Variants in AGBL1 observed in about 807,000 individuals in gnomAD.
AGBL1 encodes AGBL carboxypeptidase 1, also known as cytosolic carboxypeptidase 4.
In AGBL1, 130 loss-of-function variants were observed where a neutral mutation model predicts 118.9. The observed-to-expected ratio is 1.09, with a 90% CI of 0.95 to 1.26. The LOEUF (loss-of-function observed/expected upper bound fraction) is 1.26, where lower values mean the gene tolerates loss of function less well. Ranked by LOEUF, AGBL1 falls within the 50% of genes most tolerant of loss-of-function variation. AGBL1 has a pLI of 0.00. For synonymous variants in AGBL1, 555 were observed against 478.9 expected (o/e 1.16, Z -2.08); for missense variants, 1,584 against 1,298.1 (o/e 1.22, Z -3.38).
chr15:86,226,462 A>G (rs1300973607), intron 6 of AGBL1, among the ~76,000 whole-genome samples: 1 of 152,176 alleles, frequency 6.6e-6, no homozygotes, highest in Non-Finnish European at 1.5e-5. Context: ...AGAGCTGAGT[A>G]AGGCTGGCTT....
At chr15:86,188,967 G>A (rs16949176) in intron 5 of AGBL1, among the ~76,000 whole-genome samples, 1,667 of 152,288 alleles carry the variant, frequency 0.011, 9 homozygotes, top group African/African-American at 0.013. Context: ...CCTAGAAAAG[G>A]ATGAATTAAC....
chr15:86,507,561 G>T (rs1371230296), intron 18 of AGBL1, among the ~76,000 whole-genome samples: 2 of 152,130 alleles, frequency 1.3e-5, no homozygotes, highest in African/African-American at 2.4e-5. Flanking sequence ...ATGATGGATA[G>T]TGTTAATTGT....
intron 22 of AGBL1, among the ~76,000 whole-genome samples, chr15:86,758,972 AAAAAAAAAAAAAG>A (rs1242099888): frequency 2.0e-5 from 3 of 149,258 alleles, no homozygotes; most frequent in Non-Finnish European, 3.0e-5. Flanking sequence ...CTGTCAAAAA[AAAAAAAAAAAAAG>A]AAAAAAAAAA....
chr15:86,570,004 AACAG>A (rs2083979596), intron 21 of AGBL1, among the ~76,000 whole-genome samples: 1 of 152,354 alleles, frequency 6.6e-6, no homozygotes, highest in African/African-American at 2.4e-5. Flanking sequence ...ACTCTTAAGG[AACAG>A]ACAAACAAAA....
intron 5 of AGBL1, among the ~76,000 whole-genome samples, chr15:86,211,754 C>A (rs1329740007): frequency 6.6e-6 from 1 of 152,146 alleles, no homozygotes; most frequent in East Asian, 1.9e-4. Context: ...TCACGGCTTC[C>A]CTTTGCTAGG....
At chr15:86,836,013 T>G (rs2141426028) in intron 22 of AGBL1, among the ~76,000 whole-genome samples, 1 of 152,344 alleles carries the variant, frequency 6.6e-6, no homozygotes, top group Admixed American at 6.5e-5. Context: ...AACATGCTGC[T>G]TCTAGCTTAT....
intron 18 of AGBL1, among the ~76,000 whole-genome samples, chr15:86,519,980 C>A (rs902325473): frequency 6.6e-6 from 1 of 152,166 alleles, no homozygotes; most frequent in Non-Finnish European, 1.5e-5. Flanking sequence ...GAATTCTTTT[C>A]TGTTCAGCCT....
rs180728943 is a variant in AGBL1, at chr15:86,368,091, A to G, written c.2375-29275A>G. Among the ~76,000 whole-genome samples the G allele has an allele frequency of 3.2e-3, 494 of 152,192 alleles. 10 individuals carry two copies. The highest frequency in any genetic ancestry group is 6.5e-4 in the Non-Finnish European group (44 of 68,008). ...ATAAGTGCTGATTCACGACTTCGGG[A>G]TTTGTTTTTTCAGAATCAATGGACC... On this transcript the variant is annotated intron_variant, in intron 17 of 22. Transcript: ENST00000614907.
intron 18 of AGBL1, among the ~76,000 whole-genome samples, chr15:86,454,694 A>AAAACT (rs1299432953): frequency 2.6e-5 from 4 of 152,200 alleles, no homozygotes; most frequent in African/African-American, 9.7e-5. Context: ...TTTAATAGAC[A>AAAACT]AAACTAAACT....
intron 22 of AGBL1, among the ~76,000 whole-genome samples, chr15:86,841,207 A>T (rs1365221292): frequency 1.3e-5 from 2 of 152,132 alleles, no homozygotes; most frequent in Non-Finnish European, 2.9e-5. Context: ...CAGTTGACCA[A>T]ACAGATAAAA....
intron 21 of AGBL1, among the ~76,000 whole-genome samples, chr15:86,566,036 C>A (rs531505572): frequency 6.6e-6 from 1 of 152,302 alleles, no homozygotes; most frequent in Admixed American, 6.5e-5. Flanking sequence ...GTCACAGCTT[C>A]CCTTGCCTAG....
rs187860218 is a variant in AGBL1 at position 86,848,272 on chromosome 15, T to G, written c.3159-58815T>G. On this transcript the variant is annotated intron_variant, in intron 22 of 22. Coordinates refer to ENST00000614907, the MANE Select transcript of AGBL1 (RefSeq NM_001386094.1). The stretch of plus-strand genomic sequence containing the variant: ...TTGGTTGATTTCCAAAGCCTGAAAA[T>G]GGTTTTTATTTTTTAGTTTTTACTT... Among the ~76,000 whole-genome samples the G allele has an allele frequency of 6.7e-4, 102 of 152,248 alleles. 1 individual carries two copies. Among genetic ancestry groups the G allele is most frequent in the African/African-American group, 2.4e-3 (98 of 41,546 alleles).
At chr15:86,156,492 C>T (rs1567092552) in intron 4 of AGBL1, among the ~76,000 whole-genome samples, 1 of 152,252 alleles carries the variant, frequency 6.6e-6, no homozygotes, top group East Asian at 1.9e-4. Flanking sequence ...AGTCCTACTC[C>T]GAGGTACTGA....
chr15:86,494,090 A>G (rs977063531), intron 18 of AGBL1, among the ~76,000 whole-genome samples: 1 of 152,034 alleles, frequency 6.6e-6, no homozygotes, highest in Non-Finnish European at 1.5e-5. Context: ...ACGTTGGAGC[A>G]TGGGGTAAGA....
chr15:86,522,506 T>A (rs1021580431), intron 18 of AGBL1, among the ~76,000 whole-genome samples: 1 of 152,228 alleles, frequency 6.6e-6, no homozygotes, highest in Non-Finnish European at 1.5e-5. Context: ...ATTTATTAAA[T>A]GTATTCCCCA....
intron 23 of AGBL1, among the ~76,000 whole-genome samples, chr15:86,928,528 T>C (rs1212650827): frequency 1.3e-5 from 2 of 152,322 alleles, no homozygotes; most frequent in African/African-American, 4.8e-5. Context: ...GCTGGTTTGC[T>C]CTTTCCACTG....
intron 20 of AGBL1, among the ~76,000 whole-genome samples, chr15:86,547,877 A>G (rs2083607094): frequency 6.6e-6 from 1 of 152,136 alleles, no homozygotes; most frequent in African/African-American, 2.4e-5. Context: ...CTACTATGAC[A>G]TATGTGGAGG....
chr15:86,970,350 C>T (rs1366113986), intron 23 of AGBL1, among the ~76,000 whole-genome samples: 3 of 151,882 alleles, frequency 2.0e-5, no homozygotes, highest in African/African-American at 7.2e-5. Context: ...GTCATTATTG[C>T]TTATTGTTGT....
chr15:86,705,561 T>G (rs187731580), intron 22 of AGBL1, among the ~76,000 whole-genome samples: 29 of 152,256 alleles, frequency 1.9e-4, no homozygotes, highest in African/African-American at 6.7e-4. Context: ...AGCATTGGAG[T>G]TAAATGAGCC....
Sources: gnomAD v4.1 joint callset for allele counts (sites outside exome capture counted in the v4.1 genomes callset) on GRCh38, gnomAD v4.1.1 for gene constraint, MANE v1.5 for transcripts, NCBI Gene and HGNC (gene_info 2026-07-23, HGNC 2026-07-21) for gene names.